The following PRRC2C variants were observed in gnomAD, a reference collection of about 807,000 sequenced individuals.
PRRC2C encodes proline rich coiled-coil 2C.
PRRC2C carries 72 observed loss-of-function variants against 317.2 expected under a neutral mutation model. That is an observed-to-expected ratio of 0.23 (90% CI 0.19 to 0.28). The LOEUF (loss-of-function observed/expected upper bound fraction) is 0.28. PRRC2C is among the 10% of genes least tolerant of loss of function. The probability of loss-of-function intolerance (pLI) is 1.00; values close to 1 mark genes in which losing one functional copy is unlikely to be tolerated. For missense variants in PRRC2C, 3,074 were observed against 3,459.7 expected (o/e 0.89, Z 2.80); for synonymous variants, 1,296 against 1,205.9 (o/e 1.07, Z -1.55).
intron 17 of PRRC2C, 142 bp downstream of exon 17, chr1:171,545,829 G>A (rs1229150877): frequency 1.0e-5 from 5 of 478,456 alleles, no homozygotes; most frequent in African/African-American, 8.4e-5. Flanking sequence ...TATACATAGT[G>A]GCTGATTATG....
At chr1:171,548,698 T>C (rs1679626181) in intron 17 of PRRC2C, among the ~76,000 whole-genome samples, 1 of 152,202 alleles carries the variant, frequency 6.6e-6, no homozygotes, top group African/African-American at 2.4e-5. Flanking sequence ...GACTGGGATA[T>C]AGGGTAATTT....
At chr1:171,558,224 TTAAG>T in intron 19 of PRRC2C, 81 bp downstream of exon 19, 1 of 1,399,718 alleles carries the variant, frequency 7.1e-7, no homozygotes, top group East Asian at 2.5e-5. Flanking sequence ...TATATACTCT[TTAAG>T]TGTTTTCTAG....
chr1:171,573,465 T>TC (rs1173739695), intron 24 of PRRC2C, among the ~76,000 whole-genome samples: 1 of 151,880 alleles, frequency 6.6e-6, no homozygotes, highest in Admixed American at 6.6e-5. Context: ...CTTCCTAAAT[T>TC]CCCCCAAGAC....
chr1:171,530,928 C>A (rs1233968085), intron 11 of PRRC2C, among the ~76,000 whole-genome samples: 1 of 152,144 alleles, frequency 6.6e-6, no homozygotes, highest in Non-Finnish European at 1.5e-5. Context: ...TACATTTACA[C>A]AAAGACTTAC....
chr1:171,505,284 T>C (rs564851972), intron 1 of PRRC2C, among the ~76,000 whole-genome samples: 10 of 152,342 alleles, frequency 6.6e-5, no homozygotes, highest in African/African-American at 2.4e-4. Flanking sequence ...TGCCTCGGCC[T>C]CCCAAAGTGC....
chr1:171,490,220 T>A (rs1666873737), intron 1 of PRRC2C, among the ~76,000 whole-genome samples: 1 of 152,188 alleles, frequency 6.6e-6, no homozygotes, highest in Non-Finnish European at 1.5e-5. Context: ...TCCTGCCGTT[T>A]AAAAGGAAAT....
chr1:171,491,899 A>G (rs1012808681), intron 1 of PRRC2C, among the ~76,000 whole-genome samples: 6 of 152,186 alleles, frequency 3.9e-5, no homozygotes, highest in African/African-American at 7.2e-5. Flanking sequence ...AGTTTTATAT[A>G]TAAGTAACTT....
chr1:171,556,922 T>G (rs1681552801), intron 18 of PRRC2C, among the ~76,000 whole-genome samples: 1 of 152,236 alleles, frequency 6.6e-6, no homozygotes, highest in Admixed American at 6.5e-5. Flanking sequence ...AATATATGAG[T>G]TAAGACTGTG....
At chr1:171,568,448 G>C in intron 23 of PRRC2C, 109 bp downstream of exon 23, 1 of 1,402,762 alleles carries the variant, frequency 7.1e-7, no homozygotes, top group Non-Finnish European at 9.4e-7. Context: ...TTAACTCAGG[G>C]AAAGAGTTGA....
chr1:171,560,773 T>G (rs1682527718), intron 19 of PRRC2C, among the ~76,000 whole-genome samples: 1 of 152,162 alleles, frequency 6.6e-6, no homozygotes, highest in Admixed American at 6.5e-5. Flanking sequence ...ACCAGAAAAT[T>G]AGTGTGATTT....
intron 26 of PRRC2C, 132 bp downstream of exon 26, chr1:171,577,769 G>T (rs930485953): frequency 2.0e-5 from 10 of 502,358 alleles, no homozygotes; most frequent in African/African-American, 1.3e-4. Flanking sequence ...ATTTAAATTC[G>T]CATTTTTTTT....
chr1:171,587,369 A>G (rs1304468298), intron 31 of PRRC2C, 148 bp downstream of exon 31: 11 of 803,728 alleles, frequency 1.4e-5, no homozygotes, highest in Admixed American at 3.0e-5. Flanking sequence ...CATTTTATCT[A>G]TTTACTTTTA....
At chr1:171,546,669 G>A (rs1679176388) in intron 17 of PRRC2C, among the ~76,000 whole-genome samples, 1 of 152,060 alleles carries the variant, frequency 6.6e-6, no homozygotes, top group African/African-American at 2.4e-5. Context: ...ATGCAATCTC[G>A]GCTCACTGCA....
chr1:171,570,185 A>G (rs981743854), intron 23 of PRRC2C, among the ~76,000 whole-genome samples: 7 of 152,198 alleles, frequency 4.6e-5, no homozygotes, highest in Admixed American at 4.6e-4. Context: ...TCTGAACTCA[A>G]TGTAGAGTTA....
chr1:171,546,019 C>G (rs1344544192), intron 17 of PRRC2C, among the ~76,000 whole-genome samples: 1 of 151,566 alleles, frequency 6.6e-6, no homozygotes, highest in South Asian at 2.1e-4. Flanking sequence ...AAATTTGATT[C>G]TTAGTTATAT....
At chr1:171,535,790 A>G (rs59229441) in intron 13 of PRRC2C, among the ~76,000 whole-genome samples, 193 bp downstream of exon 13, 2 of 152,300 alleles carry the variant, frequency 1.3e-5, no homozygotes, top group South Asian at 2.1e-4. Context: ...CTTCTGCCTC[A>G]TTTATAGACA....
rs202088651 is a variant in PRRC2C, at chr1:171,542,000, G to C, written c.4534G>C (p.Glu1512Gln). The part of the protein sequence containing the change: ...SESSDFNERR[E>Q]RDEKKNADLN... The stretch of plus-strand genomic sequence containing the variant: ...AAGCAGTGATTTCAATGAGAGGCGA[G>C]AGAGGGATGAAAAAAAAAATGCTGA... Residue 1512 changes from glutamate to glutamine, a missense_variant, in exon 16 of 35, where the codon GAG (glutamate) becomes CAG (glutamine). Glu to Gln is a conservative substitution (Grantham distance 29). Coordinates refer to ENST00000647382, the MANE Select transcript of PRRC2C (RefSeq NM_001387844.1). The surrounding 1 kb of genome is among the most constrained non-coding windows in gnomAD (Gnocchi z 4.1). 624 of 1,613,628 alleles carry C rather than the reference G, an allele frequency of 3.9e-4. 1 individual carries two copies. The highest frequency in any genetic ancestry group is 4.8e-4 in the Non-Finnish European group (569 of 1,179,788).
intron 1 of PRRC2C, chr1:171,510,638 T>G (rs1056335670): frequency 6.6e-6 from 1 of 152,212 alleles, no homozygotes; most frequent in East Asian, 1.9e-4. Flanking sequence ...CTTCTACATA[T>G]AGTAGCAAAT....
intron 1 of PRRC2C, among the ~76,000 whole-genome samples, chr1:171,496,115 C>A (rs909534957): frequency 1.8e-4 from 27 of 149,344 alleles, no homozygotes; most frequent in Non-Finnish European, 1.6e-4. Context: ...TTTAGGGATT[C>A]AACATATGAA....
Sources: allele counts gnomAD v4.1 joint callset (sites outside exome capture counted in the v4.1 genomes callset), GRCh38; gene constraint gnomAD v4.1.1; non-coding constraint Gnocchi (gnomAD v3.1); transcripts MANE v1.5; gene names NCBI Gene and HGNC (gene_info 2026-07-23, HGNC 2026-07-21).